The following HS6ST3 variants were observed in gnomAD, a reference collection of about 807,000 sequenced individuals.
The protein encoded by HS6ST3 is heparan-sulfate 6-O-sulfotransferase 3.
Under a neutral mutation model 36.7 loss-of-function variants are expected in HS6ST3, and 12 were observed. The observed-to-expected ratio is 0.33, with a 90% CI of 0.21 to 0.53. The LOEUF (loss-of-function observed/expected upper bound fraction) is 0.53, where lower values mean the gene tolerates loss of function less well. HS6ST3 is among the 20% of genes least tolerant of loss of function. The pLI is 0.95. For synonymous variants in HS6ST3, 240 were observed against 257.5 expected, an observed-to-expected ratio of 0.93 and a Z score of 0.65; for missense variants, 584 against 640.9, an observed-to-expected ratio of 0.91 and a Z score of 0.96.
Position 96,428,360 on chromosome 13 carries a change from A to G in HS6ST3, c.707+336791A>G, listed in dbSNP as rs367706443. On this transcript the variant is annotated intron_variant, in intron 1 of 1. Coordinates refer to ENST00000376705, the MANE Select transcript of HS6ST3 (RefSeq NM_153456.4). ...GACTCCGTCTCAAAAAACAAACAAA[A>G]AAAGTATCACGGACTGGGTGGTTTA... 9.2e-5 allele frequency among the ~76,000 whole-genome samples: 14 copies of G among 152,286 alleles called. No homozygotes were observed. In the East Asian group the frequency reaches 2.5e-3, roughly 27 times the overall value.
chr13:96,555,626 T>C (rs1437615374), intron 1 of HS6ST3, among the ~76,000 whole-genome samples: 3 of 152,198 alleles, frequency 2.0e-5, no homozygotes. Context: ...ATGGTTTATA[T>C]TATGTATGAA....
intron 1 of HS6ST3, among the ~76,000 whole-genome samples, chr13:96,750,610 G>A (rs923303538): frequency 6.6e-6 from 1 of 152,182 alleles, no homozygotes; most frequent in Admixed American, 6.5e-5. Flanking sequence ...AATAAAATCT[G>A]TTTCAAATGA....
At chr13:96,745,803 T>C (rs750670131) in intron 1 of HS6ST3, among the ~76,000 whole-genome samples, 6 of 152,096 alleles carry the variant, frequency 3.9e-5, no homozygotes, top group Non-Finnish European at 8.8e-5. Flanking sequence ...ATTACTCTTA[T>C]AGCCAACTTC....
At chr13:96,496,747 AT>A (rs557239372) in intron 1 of HS6ST3, among the ~76,000 whole-genome samples, 24 of 151,560 alleles carry the variant, frequency 1.6e-4, no homozygotes, top group South Asian at 4.2e-4. Context: ...ACACGTTGCT[AT>A]TTTTTTTTAA....
intron 1 of HS6ST3, among the ~76,000 whole-genome samples, chr13:96,264,705 G>A (rs1053514092): frequency 1.3e-4 from 20 of 152,102 alleles, no homozygotes; most frequent in Non-Finnish European, 1.9e-4. Flanking sequence ...TGAACTCTGG[G>A]GATCTGGGGA....
At chr13:96,476,636 C>A (rs535787205) in intron 1 of HS6ST3, among the ~76,000 whole-genome samples, 1 of 152,230 alleles carries the variant, frequency 6.6e-6, no homozygotes, top group Non-Finnish European at 1.5e-5. Flanking sequence ...GCTGGGATTA[C>A]AGGCGTGAGC....
chr13:96,742,667 T>C (rs1316701675), intron 1 of HS6ST3, among the ~76,000 whole-genome samples: 1 of 152,134 alleles, frequency 6.6e-6, no homozygotes, highest in East Asian at 1.9e-4. Context: ...CAGACTTGTT[T>C]TAAATTCTGA....
intron 1 of HS6ST3, among the ~76,000 whole-genome samples, chr13:96,125,886 C>T (rs1243510816): frequency 2.6e-5 from 4 of 151,824 alleles, no homozygotes; most frequent in African/African-American, 9.7e-5. Context: ...CCCATTAACT[C>T]GTCATTTAGC....
At chr13:96,662,654 G>C (rs1194217616) in intron 1 of HS6ST3, among the ~76,000 whole-genome samples, 1 of 152,010 alleles carries the variant, frequency 6.6e-6, no homozygotes, top group Admixed American at 6.6e-5. Context: ...TCCATTGCTA[G>C]AGTGCTAGTG....
At chr13:96,417,658 A>G (rs987863634) in intron 1 of HS6ST3, among the ~76,000 whole-genome samples, 16 of 147,666 alleles carry the variant, frequency 1.1e-4, no homozygotes, top group African/African-American at 4.0e-4. Context: ...ACATGTATAT[A>G]TGTAAATAAA....
chr13:96,830,849 C>T (rs944042420), intron 1 of HS6ST3, among the ~76,000 whole-genome samples: 13 of 152,322 alleles, frequency 8.5e-5, no homozygotes, highest in Admixed American at 7.8e-4. Context: ...TGGCCCCCCT[C>T]AACGAGCCAA....
At chr13:96,818,576 G>C (rs1038789402) in intron 1 of HS6ST3, among the ~76,000 whole-genome samples, 1 of 152,164 alleles carries the variant, frequency 6.6e-6, no homozygotes, top group African/African-American at 2.4e-5. Flanking sequence ...CTTGGTGTTT[G>C]GGCCTGGATA....
intron 1 of HS6ST3, among the ~76,000 whole-genome samples, chr13:96,116,515 C>T (rs187170018): frequency 4.6e-5 from 7 of 152,250 alleles, no homozygotes; most frequent in East Asian, 1.9e-4. Flanking sequence ...ATGCGTTTAA[C>T]GTGCAGTGAA....
chr13:96,408,969 C>T (rs763342998), intron 1 of HS6ST3, among the ~76,000 whole-genome samples: 3 of 152,124 alleles, frequency 2.0e-5, no homozygotes, highest in South Asian at 2.1e-4. Context: ...AATCGAACAT[C>T]GTGCAAATGT....
intron 1 of HS6ST3, among the ~76,000 whole-genome samples, chr13:96,312,746 G>A (rs2054947788): frequency 6.6e-6 from 1 of 152,024 alleles, no homozygotes; most frequent in Non-Finnish European, 1.5e-5. Flanking sequence ...GAGGACAGGA[G>A]TTGCAGACCA....
chr13:96,129,952 A>G (rs149327768), intron 1 of HS6ST3, among the ~76,000 whole-genome samples: 1 of 152,300 alleles, frequency 6.6e-6, no homozygotes, highest in East Asian at 1.9e-4. Flanking sequence ...TGAAGCCACC[A>G]TGATGATGGT....
intron 1 of HS6ST3, among the ~76,000 whole-genome samples, chr13:96,794,956 G>A (rs1877874803): frequency 6.6e-6 from 1 of 151,996 alleles, no homozygotes; most frequent in South Asian, 2.1e-4. Context: ...TTGTAGCAAT[G>A]CTTTTTCCAG....
At chr13:96,753,146 G>A (rs529723335) in intron 1 of HS6ST3, among the ~76,000 whole-genome samples, 119 of 152,240 alleles carry the variant, frequency 7.8e-4, no homozygotes, top group Non-Finnish European at 1.3e-3. Flanking sequence ...TTTAATTGCT[G>A]TGGCATTAAA....
chr13:96,415,658 T>C (rs991025620), intron 1 of HS6ST3, among the ~76,000 whole-genome samples: 1 of 152,178 alleles, frequency 6.6e-6, no homozygotes, highest in Non-Finnish European at 1.5e-5. Flanking sequence ...TGATGTTCTC[T>C]GTGGATCTTG....
Sources: allele counts gnomAD v4.1 joint callset (sites outside exome capture counted in the v4.1 genomes callset), GRCh38; gene constraint gnomAD v4.1.1; transcripts MANE v1.5; gene names NCBI Gene and HGNC (gene_info 2026-07-23, HGNC 2026-07-21).